The following MGAT4C variants were observed in gnomAD, a reference collection of about 807,000 sequenced individuals.
MGAT4C encodes the protein alpha-1,3-mannosyl-glycoprotein 4-beta-N-acetylglucosaminyltransferase C.
MGAT4C carries 19 observed loss-of-function variants against 40.1 expected under a neutral mutation model. That is an observed-to-expected ratio of 0.47 (90% CI 0.33 to 0.70). MGAT4C has a LOEUF of 0.70. Among genes scored for constraint, MGAT4C ranks in the 30% least tolerant of loss-of-function variants. The probability of loss-of-function intolerance (pLI) is 0.02; values close to 1 mark genes in which losing one functional copy is unlikely to be tolerated. For synonymous variants in MGAT4C, 181 were observed against 187.1 expected (o/e 0.97, Z 0.27); for missense variants, 491 against 563.2 (o/e 0.87, Z 1.30).
At chr12:86,367,043 G>C (rs1290386262) in intron 3 of MGAT4C, among the ~76,000 whole-genome samples, 1 of 151,974 alleles carries the variant, frequency 6.6e-6, no homozygotes, top group African/African-American at 2.4e-5. Context: ...AAAAAATAAA[G>C]TGAAAGTATA....
chr12:86,330,887 G>A (rs1954649695), intron 4 of MGAT4C, among the ~76,000 whole-genome samples: 1 of 152,260 alleles, frequency 6.6e-6, no homozygotes, highest in Middle Eastern at 3.4e-3. Context: ...TTTCCAAAGA[G>A]ATCTTCAAAC....
chr12:86,764,308 G>C (rs1040495896), intron 1 of MGAT4C, among the ~76,000 whole-genome samples: 1 of 152,140 alleles, frequency 6.6e-6, no homozygotes, highest in African/African-American at 2.4e-5. Context: ...GCGAGGCTGG[G>C]GGAGGGGTGC....
At chr12:86,258,301 A>G (rs1160135098), upstream of MGAT4C, among the ~76,000 whole-genome samples, 3 of 142,596 alleles carry the variant, frequency 2.1e-5, no homozygotes, top group Non-Finnish European at 3.0e-5. Flanking sequence ...CTATCTATCT[A>G]TCTATCTATC....
At position 86,638,649 on chromosome 12, in the gene MGAT4C, A is replaced by G. The variant is rs557170538; in HGVS notation, c.-229+88560T>C. Among the ~76,000 whole-genome samples, 24 of 151,988 alleles carry G rather than the reference A, an allele frequency of 1.6e-4. No homozygotes were observed. The East Asian group carries it at 4.7e-3, about 30-fold the overall frequency. On this transcript the variant is annotated intron_variant, in intron 2 of 7. Coordinates refer to the MGAT4C transcript ENST00000548651. ...TTCAGATAAAAGAACTGCCAAGTTTAATTTACTTGTGCCAGGTAACAGCTC... is the reference window on the plus strand; with the variant it reads ...TTCAGATAAAAGAACTGCCAAGTTTGATTTACTTGTGCCAGGTAACAGCTC...
intron 2 of MGAT4C, among the ~76,000 whole-genome samples, chr12:86,043,198 T>G (rs1450618759): frequency 6.6e-6 from 1 of 152,170 alleles, no homozygotes; most frequent in African/African-American, 2.4e-5. Flanking sequence ...ACTAATATGA[T>G]AGATGTATAT....
intron 1 of MGAT4C, among the ~76,000 whole-genome samples, chr12:86,794,829 A>C (rs1340696033): frequency 2.0e-5 from 3 of 151,758 alleles, no homozygotes; most frequent in Admixed American, 2.0e-4. Flanking sequence ...ATAAAATATG[A>C]CTCAGATTTA....
At chr12:86,554,139 C>T (rs1053732118) in intron 2 of MGAT4C, among the ~76,000 whole-genome samples, 1 of 147,428 alleles carries the variant, frequency 6.8e-6, no homozygotes, top group African/African-American at 2.5e-5. Context: ...TACATACACA[C>T]ACACACACAC....
chr12:86,124,414 A>C (rs754092872), intron 1 of MGAT4C, among the ~76,000 whole-genome samples: 1 of 152,320 alleles, frequency 6.6e-6, no homozygotes, highest in Non-Finnish European at 1.5e-5. Context: ...TAAGTTAGTG[A>C]AAGATACATT....
chr12:86,638,571 T>C (rs1021421514), intron 2 of MGAT4C, among the ~76,000 whole-genome samples: 3 of 151,834 alleles, frequency 2.0e-5, no homozygotes, highest in Non-Finnish European at 4.4e-5. Flanking sequence ...TTATATATTA[T>C]TGTAATCAAT....
chr12:86,383,533 G>C (rs1333566614), intron 3 of MGAT4C, among the ~76,000 whole-genome samples: 1 of 109,618 alleles, frequency 9.1e-6, no homozygotes, highest in Non-Finnish European at 1.7e-5. Flanking sequence ...ACTGGTGACA[G>C]AGCGACACTT....
chr12:86,076,227 A>C (rs997894595), intron 1 of MGAT4C, among the ~76,000 whole-genome samples: 1 of 151,830 alleles, frequency 6.6e-6, no homozygotes, highest in African/African-American at 2.4e-5. Context: ...CTAAAACATA[A>C]GAAGAGTCAC....
chr12:86,806,452 G>GAGAC (rs1159898106), intron 1 of MGAT4C, among the ~76,000 whole-genome samples: 1 of 151,538 alleles, frequency 6.6e-6, no homozygotes, highest in Non-Finnish European at 1.5e-5. Flanking sequence ...GTGTGTGTGA[G>GAGAC]AGAGAGAGTA....
intron 1 of MGAT4C, among the ~76,000 whole-genome samples, chr12:86,753,793 A>G (rs1007146412): frequency 9.2e-5 from 14 of 152,104 alleles, no homozygotes; most frequent in African/African-American, 3.4e-4. Flanking sequence ...AGAAAATGCA[A>G]ATTAAACCAC....
intron 1 of MGAT4C, among the ~76,000 whole-genome samples, chr12:86,152,280 A>G (rs1884385532): frequency 6.6e-6 from 1 of 152,204 alleles, no homozygotes; most frequent in African/African-American, 2.4e-5. Flanking sequence ...TGGAGGCTAG[A>G]AGTCCAAGAT....
intron 2 of MGAT4C, among the ~76,000 whole-genome samples, chr12:86,565,250 C>T (rs890266148): frequency 7.9e-5 from 12 of 152,108 alleles, no homozygotes; most frequent in South Asian, 4.1e-4. Context: ...CAGGTCCTGA[C>T]GTCACAAATT....
At chr12:86,341,893 G>A (rs61950711) in intron 3 of MGAT4C, among the ~76,000 whole-genome samples, 12,788 of 152,204 alleles carry the variant, frequency 0.084, 746 homozygotes, top group Middle Eastern at 0.22. Flanking sequence ...AAGGTAGGTC[G>A]CCATCTTTGC....
intron 2 of MGAT4C, among the ~76,000 whole-genome samples, chr12:86,621,167 T>TA: frequency 6.6e-6 from 1 of 151,716 alleles, no homozygotes; most frequent in Non-Finnish European, 1.5e-5. Flanking sequence ...ATTTGTGAAA[T>TA]AAAAAAATAG....
intron 4 of MGAT4C, among the ~76,000 whole-genome samples, chr12:86,316,234 G>A (rs1210086301): frequency 6.6e-6 from 1 of 152,124 alleles, no homozygotes; most frequent in East Asian, 1.9e-4. Flanking sequence ...TGGTGAGGCT[G>A]CAGAGGAAAG....
intron 2 of MGAT4C, among the ~76,000 whole-genome samples, chr12:86,661,494 G>A (rs10735254): frequency 0.98 from 148,773 of 152,222 alleles, 72,768 homozygotes; most frequent in Middle Eastern, 1. Context: ...ATATAAAACT[G>A]TATGTTTTTT....
Sources: allele counts gnomAD v4.1 joint callset (sites outside exome capture counted in the v4.1 genomes callset), GRCh38; gene constraint gnomAD v4.1.1; transcripts MANE v1.5; gene names NCBI Gene and HGNC (gene_info 2026-07-23, HGNC 2026-07-21).